Variants in CNMD observed in about 807,000 individuals in gnomAD.
CNMD encodes chondromodulin.
In CNMD, 30 loss-of-function variants were observed where a neutral mutation model predicts 37.5. The observed-to-expected ratio is 0.80, with a 90% confidence interval of 0.60 to 1.09. The LOEUF is 1.09. Among genes scored for constraint, CNMD ranks in the 50% least tolerant of loss-of-function variants. The pLI, the probability that CNMD is intolerant of heterozygous loss-of-function variation, is 0.00. For synonymous variants in CNMD, 167 were observed against 148.2 expected (o/e 1.13, Z -0.92); for missense variants, 398 against 423.9 (o/e 0.94, Z 0.54).
chr13:52,705,132 A>G (rs993080735), intron 6 of CNMD, among the ~76,000 whole-genome samples: 2 of 152,202 alleles, frequency 1.3e-5, no homozygotes, highest in Non-Finnish European at 2.9e-5. Flanking sequence ...ACTCATCTAG[A>G]TTGGACAATT....
intron 5 of CNMD, 53 bp from the exon 6 acceptor site, chr13:52,708,755 G>T: frequency 7.1e-7 from 1 of 1,401,160 alleles, no homozygotes; most frequent in Non-Finnish European, 9.8e-7. Context: ...AAGGAAATTA[G>T]ATCTGTGTTT....
At position 52,728,556 on chromosome 13, in the gene CNMD, T is replaced by C. The variant is rs574233888; in HGVS notation, c.355-4446A>G. Reference sequence around the variant, plus strand: ...GGAGAATAACTGCTTTCTCTTATGCTACCTCCTGTAGGGCTGCTGCTCTTA... The same window carrying C: ...GGAGAATAACTGCTTTCTCTTATGCCACCTCCTGTAGGGCTGCTGCTCTTA... On this transcript the variant is annotated intron_variant, in intron 3 of 6. Coordinates refer to ENST00000377962, the MANE Select transcript of CNMD (RefSeq NM_007015.3). 6.6e-5 allele frequency among the ~76,000 whole-genome samples: 10 copies of C among 152,308 alleles called. No homozygotes were observed. The East Asian group carries it at 1.9e-3, about 29-fold the overall frequency.
intron 4 of CNMD, 87 bp downstream of exon 4, chr13:52,723,909 TA>T: frequency 1.2e-6 from 1 of 848,580 alleles, no homozygotes. Flanking sequence ...AAAATAAAAA[TA>T]AAAACAAAAA....
Position 52,739,469 on chromosome 13 carries a change from C to T in CNMD, c.72+161G>A. ...GCCTGTGGATGCCGTGACCCCTGCACACTCATACGCGTGGGGCGACATCCC... is the reference window on the plus strand; with the variant it reads ...GCCTGTGGATGCCGTGACCCCTGCATACTCATACGCGTGGGGCGACATCCC... On this transcript the variant is annotated intron_variant, in intron 1 of 6. Coordinates refer to ENST00000377962, the MANE Select transcript of CNMD (RefSeq NM_007015.3). The surrounding 1 kb of genome is among the most constrained non-coding windows in gnomAD (Gnocchi z 5.4). 1 of 722,916 alleles carries T rather than the reference C, an allele frequency of 1.4e-6. No homozygotes were observed. The highest frequency in any genetic ancestry group is 2.4e-6 in the Non-Finnish European group (1 of 420,014). 44.8% of individuals were successfully genotyped at this position (722,916 alleles called of 1,614,324 possible).
chr13:52,736,766 G>A (rs1022005904), intron 2 of CNMD, among the ~76,000 whole-genome samples: 2 of 152,174 alleles, frequency 1.3e-5, no homozygotes, highest in Non-Finnish European at 2.9e-5. Context: ...ATTACATAAT[G>A]TTTGGGAAAA....
chr13:52,736,346 C>A (rs2138282241), intron 2 of CNMD, among the ~76,000 whole-genome samples: 1 of 152,236 alleles, frequency 6.6e-6, no homozygotes, highest in South Asian at 2.1e-4. Flanking sequence ...CCAGGCTGGT[C>A]TTGAACTCCT....
At chr13:52,732,483 C>G (rs1964689250) in intron 3 of CNMD, among the ~76,000 whole-genome samples, 1 of 152,096 alleles carries the variant, frequency 6.6e-6, no homozygotes, top group African/African-American at 2.4e-5. Flanking sequence ...AAAACAGTCT[C>G]CTTTTCAAAG....
chr13:52,739,025 A>G lies in CNMD; in HGVS notation c.213+6T>C. 6.4e-7 allele frequency: 1 copy of G among 1,574,286 alleles called. No individual in the cohort carries two copies. The highest frequency in any genetic ancestry group is 8.6e-7 in the Non-Finnish European group (1 of 1,164,208). On this transcript the variant is annotated splice_donor_region_variant and intron_variant, in intron 2 of 6. Transcript: ENST00000377962. The surrounding 1 kb of genome is among the most constrained non-coding windows in gnomAD (Gnocchi z 5.4). Reference sequence around the variant, plus strand: ...GGGGTCCCCGCGCGCCGCCCTCTGGACTTACGTGACTGTCGCTCCCCTTCC... The same window carrying G: ...GGGGTCCCCGCGCGCCGCCCTCTGGGCTTACGTGACTGTCGCTCCCCTTCC...
In CNMD at chr13:52,739,019, C is replaced by T; in HGVS notation, c.213+12G>A. 2.6e-6 allele frequency: 4 copies of T among 1,568,500 alleles called. No homozygotes were observed. Among genetic ancestry groups the T allele is most frequent in the Non-Finnish European group, 3.4e-6 (4 of 1,162,028 alleles). On this transcript the variant is annotated intron_variant, in intron 2 of 6. Transcript: ENST00000377962. The surrounding 1 kb of genome is among the most constrained non-coding windows in gnomAD (Gnocchi z 5.4). The stretch of plus-strand genomic sequence containing the variant: ...GACACGGGGGTCCCCGCGCGCCGCC[C>T]TCTGGACTTACGTGACTGTCGCTCC...
In CNMD at chr13:52,739,051, A is replaced by G. The variant is rs752392381; in HGVS notation, c.193T>C (p.Trp65Arg). ...CTTACGTGACTGTCGCTCCCCTTCC[A>G]GAAGTAGAAGGCCCCGATGGCCCCA... ...LFGAIGAFYF[W>R]KGSDSHIYNV... Residue 65 changes from tryptophan (W) to arginine (R), a missense_variant, in exon 2 of 7, where the codon TGG (tryptophan) becomes CGG (arginine). Coordinates refer to ENST00000377962, the MANE Select transcript of CNMD (RefSeq NM_007015.3). The surrounding 1 kb of genome is among the most constrained non-coding windows in gnomAD (Gnocchi z 5.4). 8 of 1,579,218 alleles carry G rather than the reference A, an allele frequency of 5.1e-6. No individual in the cohort carries two copies. In the African/African-American group the frequency reaches 7.1e-5, roughly 14 times the overall value.
At chr13:52,704,561 C>T (rs781624733) in intron 6 of CNMD, among the ~76,000 whole-genome samples, 14 of 152,080 alleles carry the variant, frequency 9.2e-5, no homozygotes, top group Non-Finnish European at 1.5e-4. Flanking sequence ...CAACCCTGCC[C>T]GGTTTACATA....
chr13:52,714,039 G>A (rs921533071), intron 4 of CNMD, among the ~76,000 whole-genome samples: 4 of 152,110 alleles, frequency 2.6e-5, no homozygotes, highest in African/African-American at 4.8e-5. Context: ...AGGGTGCCCG[G>A]GTGACCCAGT....
At chr13:52,737,744 C>G (rs563863282) in intron 2 of CNMD, among the ~76,000 whole-genome samples, 1 of 152,346 alleles carries the variant, frequency 6.6e-6, no homozygotes, top group African/African-American at 2.4e-5. Context: ...CTAAACCCTG[C>G]TATTAATGGA....
At position 52,720,660 on chromosome 13, in the gene CNMD, G is replaced by C. The variant is rs890830758; in HGVS notation, c.468+3337C>G. Among the ~76,000 whole-genome samples, 4 of 152,184 alleles carry C rather than the reference G, an allele frequency of 2.6e-5. No homozygotes were observed. In the South Asian group the frequency reaches 6.2e-4, roughly 24 times the overall value. ...TGCAGAACAGCAAAAATTGCTGTCT[G>C]TTCCTTCCTCTGGAAGCTTTGTCCC... is the stretch of plus-strand genomic sequence containing the variant. On this transcript the variant is annotated intron_variant, in intron 4 of 6. Transcript: ENST00000377962.
intron 3 of CNMD, among the ~76,000 whole-genome samples, chr13:52,727,331 T>C (rs139673793): frequency 1.3e-5 from 2 of 152,080 alleles, no homozygotes; most frequent in East Asian, 3.9e-4. Flanking sequence ...AAGAGAAGTC[T>C]TTTGAAATAA....
At chr13:52,707,490 C>T (rs1214691144) in intron 6 of CNMD, among the ~76,000 whole-genome samples, 2 of 152,060 alleles carry the variant, frequency 1.3e-5, no homozygotes, top group Non-Finnish European at 2.9e-5. Context: ...GCTCTATCCT[C>T]TAACTGGACT....
Position 52,739,710 on chromosome 13 carries a change from C to A in CNMD, c.-9G>T. ...TCGGAGTTCTCTGTCATGTTTGCGG[C>A]GGGAGGAGTGAGGCACTTGGAGACT... On this transcript the variant is annotated 5_prime_UTR_variant, in exon 1 of 7. Transcript: ENST00000377962. The surrounding 1 kb of genome is among the most constrained non-coding windows in gnomAD (Gnocchi z 5.4). 2 of 1,613,696 alleles carry A rather than the reference C, an allele frequency of 1.2e-6. No individual in the cohort carries two copies. The highest frequency in any genetic ancestry group is 1.7e-6 in the Non-Finnish European group (2 of 1,179,690).
intron 6 of CNMD, among the ~76,000 whole-genome samples, chr13:52,705,047 A>C (rs188485856): frequency 1.5e-4 from 18 of 122,736 alleles, no homozygotes; most frequent in South Asian, 3.0e-4. Context: ...AACAAGAGTG[A>C]AACTCTGTCT....
chr13:52,709,375 T>C (rs1003715502), intron 5 of CNMD, among the ~76,000 whole-genome samples: 1 of 152,234 alleles, frequency 6.6e-6, no homozygotes, highest in East Asian at 1.9e-4. Context: ...CCTGTGTTTG[T>C]TGAAACCACT....
Sources: allele counts gnomAD v4.1 joint callset (sites outside exome capture counted in the v4.1 genomes callset), GRCh38; gene constraint gnomAD v4.1.1; non-coding constraint Gnocchi (gnomAD v3.1); transcripts MANE v1.5; gene names NCBI Gene and HGNC (gene_info 2026-07-23, HGNC 2026-07-21).